Variants in MSH3 observed in about 807,000 individuals in gnomAD.
MSH3 encodes the protein DNA mismatch repair protein Msh3.
Under a neutral mutation model 123.3 loss-of-function variants are expected in MSH3, and 106 were observed. The observed-to-expected ratio is 0.86, with a 90% confidence interval of 0.73 to 1.01. The LOEUF (loss-of-function observed/expected upper bound fraction) is 1.01, where lower values mean the gene tolerates loss of function less well. Ranked by LOEUF, MSH3 falls within the 50% of genes least tolerant of loss-of-function variation. MSH3 has a pLI of 0.00. For synonymous variants in MSH3, 515 were observed against 481.4 expected, an observed-to-expected ratio of 1.07 and a Z score of -0.91; for missense variants, 1,459 against 1,347.6, an observed-to-expected ratio of 1.08 and a Z score of -1.29.
intron 20 of MSH3, among the ~76,000 whole-genome samples, chr5:80,850,663 A>G (rs111420570): frequency 2.6e-5 from 4 of 152,290 alleles, no homozygotes; most frequent in African/African-American, 9.6e-5. Flanking sequence ...TAATTCAGTC[A>G]TCTCTCACCA....
At chr5:80,706,781 ATTTG>A (rs768444268) in intron 8 of MSH3, among the ~76,000 whole-genome samples, 5 of 152,196 alleles carry the variant, frequency 3.3e-5, no homozygotes, top group Non-Finnish European at 7.3e-5. Context: ...TTGCACAGGA[ATTTG>A]TTTTTTTCCA....
At chr5:80,830,705 G>A (rs1745400771) in intron 20 of MSH3, among the ~76,000 whole-genome samples, 1 of 152,206 alleles carries the variant, frequency 6.6e-6, no homozygotes, top group African/African-American at 2.4e-5. Context: ...TCAGCACAGT[G>A]TGGATTTTCT....
At chr5:80,809,309 A>T (rs1366329395) in intron 19 of MSH3, among the ~76,000 whole-genome samples, 1 of 152,182 alleles carries the variant, frequency 6.6e-6, no homozygotes, top group Non-Finnish European at 1.5e-5. Flanking sequence ...GTATTATAAT[A>T]TGCTTTACCA....
intron 12 of MSH3, among the ~76,000 whole-genome samples, chr5:80,759,996 C>T (rs1461814281): frequency 2.6e-5 from 4 of 152,194 alleles, no homozygotes; most frequent in Non-Finnish European, 5.9e-5. Flanking sequence ...AAGGCATGAT[C>T]TCACAGGTAG....
intron 18 of MSH3, among the ~76,000 whole-genome samples, chr5:80,792,412 TAAA>T (rs1231031111): frequency 2.2e-5 from 3 of 137,406 alleles, no homozygotes; most frequent in Admixed American, 7.4e-5. Flanking sequence ...CCCTATCTCT[TAAA>T]AAAAAAAAAA....
At chr5:80,857,350 A>G (rs1245705841) in intron 21 of MSH3, among the ~76,000 whole-genome samples, 1 of 152,140 alleles carries the variant, frequency 6.6e-6, no homozygotes, top group African/African-American at 2.4e-5. Flanking sequence ...ATACTGGTTT[A>G]TAGTTTTCTT....
intron 8 of MSH3, among the ~76,000 whole-genome samples, chr5:80,686,048 G>T (rs1172912466): frequency 6.6e-6 from 1 of 152,092 alleles, no homozygotes; most frequent in Non-Finnish European, 1.5e-5. Flanking sequence ...AATGTTTTAA[G>T]ACTTGTTTTG....
intron 12 of MSH3, among the ~76,000 whole-genome samples, chr5:80,756,700 C>T (rs1013545216): frequency 4.6e-5 from 7 of 152,122 alleles, no homozygotes; most frequent in Non-Finnish European, 8.8e-5. Context: ...CTATTCATCA[C>T]TAGAGTGTAA....
chr5:80,824,829 C>T (rs780222359), intron 20 of MSH3, among the ~76,000 whole-genome samples: 6 of 152,082 alleles, frequency 3.9e-5, no homozygotes, highest in Non-Finnish European at 5.9e-5. Flanking sequence ...ACAGATTAGT[C>T]GTGCTCTTTT....
intron 1 of MSH3, 180 bp downstream of exon 1, chr5:80,655,144 G>C (rs1332682285): frequency 2.0e-6 from 1 of 497,574 alleles, no homozygotes; most frequent in African/African-American, 2.0e-5. Context: ...AAGCGCTGAG[G>C]TTTTAGTACT....
rs1745050222 is a variant in MSH3 at position 80,813,718 on chromosome 5, G to GT, written c.2790_2791insT (p.Ile931TyrfsTer17). 2 of 1,614,058 alleles carry GT rather than the reference G, an allele frequency of 1.2e-6. No individual in the cohort carries two copies. Among genetic ancestry groups the GT allele is most frequent in the African/African-American group, 2.7e-5 (2 of 74,912 alleles). On this transcript the variant is annotated frameshift_variant, in exon 20 of 24. Coordinates refer to ENST00000265081, the MANE Select transcript of MSH3 (RefSeq NM_002439.5). LOFTEE classifies it high-confidence loss of function. ...TTCCTGCAGAAGAAGCGACAATTGGGATTGTGGATGGCATTTTCACAAGGT... is the reference window on the plus strand; with the variant it reads ...TTCCTGCAGAAGAAGCGACAATTGGGTATTGTGGATGGCATTTTCACAAGGT...
intron 20 of MSH3, among the ~76,000 whole-genome samples, chr5:80,825,509 A>G (rs1157096521): frequency 6.6e-6 from 1 of 152,112 alleles, no homozygotes; most frequent in East Asian, 1.9e-4. Context: ...TTTTCTTGAT[A>G]TGATGCCAAT....
Position 80,654,908 on chromosome 5 carries a change from G to A in MSH3, c.181G>A (p.Ala61Thr). Reference protein sequence around the residue: ...AAAAAAAAAAAAPPAPPAPAF... With the variant: ...AAAAAAAAAATAPPAPPAPAF... ...AGCGGCTGCAGCGGCCGCAGCGGCCGCAGCGCCCCCAGCGCCCCCAGCTCC... is the reference window on the plus strand; with the variant it reads ...AGCGGCTGCAGCGGCCGCAGCGGCCACAGCGCCCCCAGCGCCCCCAGCTCC... Residue 61 changes from alanine (A) to threonine (T), a missense_variant, in exon 1 of 24, where the codon GCA (alanine) becomes ACA (threonine). Ala to Thr is a moderately conservative substitution (Grantham distance 58). Transcript: ENST00000265081. 1 of 1,538,992 alleles carries A rather than the reference G, an allele frequency of 6.5e-7. No homozygotes were observed. The highest frequency in any genetic ancestry group is 8.7e-7 in the Non-Finnish European group (1 of 1,147,716).
intron 15 of MSH3, among the ~76,000 whole-genome samples, chr5:80,773,046 A>G (rs1458639546): frequency 6.6e-6 from 1 of 152,148 alleles, no homozygotes; most frequent in Non-Finnish European, 1.5e-5. Flanking sequence ...TTACAGATTG[A>G]ATAGTTGTGG....
intron 8 of MSH3, among the ~76,000 whole-genome samples, chr5:80,695,629 C>T (rs927124704): frequency 5.3e-5 from 8 of 152,220 alleles, no homozygotes; most frequent in South Asian, 2.1e-4. Context: ...CCACTGTGTC[C>T]GGCCCATTTT....
At chr5:80,667,081 TAAAATG>T (rs1335162668) in intron 3 of MSH3, among the ~76,000 whole-genome samples, 4 of 152,150 alleles carry the variant, frequency 2.6e-5, no homozygotes, top group Non-Finnish European at 4.4e-5. Context: ...CCCCTGAACT[TAAAATG>T]AAAGTTAAAA....
At chr5:80,777,762 G>T (rs1297860551) in intron 16 of MSH3, among the ~76,000 whole-genome samples, 1 of 152,128 alleles carries the variant, frequency 6.6e-6, no homozygotes, top group African/African-American at 2.4e-5. Context: ...GCAAATTAAA[G>T]TGCAACAGTG....
chr5:80,806,037 T>A (rs532869836), intron 19 of MSH3, among the ~76,000 whole-genome samples: 1 of 145,746 alleles, frequency 6.9e-6, no homozygotes, highest in East Asian at 1.9e-4. Flanking sequence ...TATAATTTTT[T>A]ATAAACATTT....
In MSH3 at chr5:80,854,276, T is replaced by G; in HGVS notation, c.2960T>G (p.Ile987Ser). 1 of 1,613,974 alleles carries G rather than the reference T, an allele frequency of 6.2e-7. No homozygotes were observed. Among genetic ancestry groups the G allele is most frequent in the Non-Finnish European group, 8.5e-7 (1 of 1,179,912 alleles). ...AGAGGGACGAGCACTCATGATGGAA[T>G]TGCCATTGCCTATGCTACACTTGAG... is the stretch of plus-strand genomic sequence containing the variant. Reference protein sequence around the residue: ...LGRGTSTHDGIAIAYATLEYF... With the variant: ...LGRGTSTHDGSAIAYATLEYF... The change falls in exon 21 of 24, where the codon ATT becomes AGT. Residue 987 changes from isoleucine (I) to serine (S), a missense_variant. By Grantham distance (142) the Ile-to-Ser change is moderately radical (BLOSUM62 -2). Coordinates refer to ENST00000265081, the MANE Select transcript of MSH3 (RefSeq NM_002439.5).
Sources: gnomAD v4.1 joint callset for allele counts (sites outside exome capture counted in the v4.1 genomes callset) on GRCh38, gnomAD v4.1.1 for gene constraint, MANE v1.5 for transcripts, NCBI Gene and HGNC (gene_info 2026-07-23, HGNC 2026-07-21) for gene names.